KDR: variants seen among roughly 807,000 people sequenced by gnomAD.
KDR encodes kinase insert domain receptor.
A neutral mutation model predicts 160.9 loss-of-function variants in KDR; 43 were observed. The ratio of observed to expected loss-of-function variants is 0.27; its 90% CI spans 0.21 to 0.34. The LOEUF is 0.34. KDR is among the 10% of genes least tolerant of loss of function. The pLI is 1.00. For missense variants in KDR, 1,469 were observed against 1,666.4 expected (o/e 0.88, Z 2.06); for synonymous variants, 617 against 600.1 (o/e 1.03, Z -0.41).
chr4:55,097,847 A>G (rs1720201634), intron 17 of KDR, 81 bp from the exon 18 acceptor site: 2 of 1,006,496 alleles, frequency 2.0e-6, no homozygotes, highest in Admixed American at 3.5e-5. Context: ...CATCAACTAG[A>G]TAGGGTGACC....
At position 55,098,730 on chromosome 4, in the gene KDR, T is replaced by C. The variant is rs1439892725; in HGVS notation, c.2340A>G (p.Leu780=). The part of the protein sequence containing the change: ...GTAVIAMFFW[L]LLVIILRTVK... The stretch of plus-strand genomic sequence containing the variant: ...CGGTCCGTAGGATGATGACAAGAAG[T>C]AGCCAGAAGAACATGGCAATCACCG... The change falls in exon 16 of 30, where the codon CTA becomes CTG. Residue 780 remains leucine, a synonymous_variant. Coordinates refer to ENST00000263923, the MANE Select transcript of KDR (RefSeq NM_002253.4). The C allele has an allele frequency of 1.2e-6, 2 of 1,613,362 alleles. No homozygotes were observed. The highest frequency in any genetic ancestry group is 4.5e-5 in the East Asian group (2 of 44,844).
At chr4:55,106,521 G>A (rs981404341) in intron 11 of KDR, among the ~76,000 whole-genome samples, 166 bp downstream of exon 11, 1 of 152,122 alleles carries the variant, frequency 6.6e-6, no homozygotes, top group African/African-American at 2.4e-5. Flanking sequence ...CTATTAATAA[G>A]TTAATGGTAC....
At chr4:55,119,895 T>A (rs1275289089) in intron 2 of KDR, among the ~76,000 whole-genome samples, 1 of 152,184 alleles carries the variant, frequency 6.6e-6, no homozygotes, top group East Asian at 1.9e-4. Context: ...TTCAAAGAAC[T>A]TAAAATTTCC....
rs964546877 is a variant in KDR at position 55,079,379 on chromosome 4, G to C, written c.*562C>G. ...ACAGACCCCATGCCCACCTCCACCAGAGCAAACACAATGCATTTGCAGGCT... is the reference window on the plus strand; with the variant it reads ...ACAGACCCCATGCCCACCTCCACCACAGCAAACACAATGCATTTGCAGGCT... On this transcript the variant is annotated 3_prime_UTR_variant, in exon 30 of 30. Transcript: ENST00000263923. The C allele has an allele frequency of 8.1e-6, 2 of 247,878 alleles. No homozygotes were observed. The highest frequency in any genetic ancestry group is 2.2e-5 in the African/African-American group (1 of 45,612). 15.4% of individuals were successfully genotyped at this position (247,878 alleles called of 1,614,324 possible).
intron 2 of KDR, among the ~76,000 whole-genome samples, chr4:55,120,651 C>T (rs1170982097): frequency 6.6e-6 from 1 of 151,992 alleles, no homozygotes; most frequent in South Asian, 2.1e-4. Context: ...TCTTATAAAG[C>T]AAAGTTTTTG....
Position 55,078,581 on chromosome 4 carries a change from A to G in KDR, c.*1360T>C, listed in dbSNP as rs1438769241. 3 of 232,642 alleles carry G rather than the reference A, an allele frequency of 1.3e-5. No individual in the cohort carries two copies. The highest frequency in any genetic ancestry group is 2.5e-5 in the Non-Finnish European group (3 of 117,774). 14.4% of individuals were successfully genotyped at this position (232,642 alleles called of 1,614,324 possible). The stretch of plus-strand genomic sequence containing the variant: ...TACTGATACAAAATGTGAATAGTAC[A>G]AAGTTCATTATATATAAGGCTTTAA... On this transcript the variant is annotated 3_prime_UTR_variant, in exon 30 of 30. Coordinates refer to ENST00000263923, the MANE Select transcript of KDR (RefSeq NM_002253.4).
chr4:55,118,341 T>C (rs924016384), intron 3 of KDR, among the ~76,000 whole-genome samples: 12 of 152,184 alleles, frequency 7.9e-5, no homozygotes, highest in Non-Finnish European at 1.5e-5. Flanking sequence ...TAAGTCTCAA[T>C]GGCCAACAGT....
Position 55,087,591 on chromosome 4 carries a change from A to G in KDR, c.3662+16T>C. On this transcript the variant is annotated intron_variant, in intron 27 of 29. Coordinates refer to ENST00000263923, the MANE Select transcript of KDR (RefSeq NM_002253.4). ...AAGTCACCCTCCCCCGGGGGATGTTAGGCCATATACAGTACCTGATTCCTG... is the reference window on the plus strand; with the variant it reads ...AAGTCACCCTCCCCCGGGGGATGTTGGGCCATATACAGTACCTGATTCCTG... 1 of 1,613,088 alleles carries G rather than the reference A, an allele frequency of 6.2e-7. No homozygotes were observed. Among genetic ancestry groups the G allele is most frequent in the East Asian group, 2.2e-5 (1 of 44,846 alleles).
chr4:55,114,282 G>GA lies in KDR; in HGVS notation c.659-18dup, dbSNP rs754553167. 4.3e-6 allele frequency: 7 copies of GA among 1,612,036 alleles called. No individual in the cohort carries two copies. Among genetic ancestry groups the GA allele is most frequent in the East Asian group, 2.2e-5 (1 of 44,852 alleles). ...TCCTATACCCTAGAGCAAGTAAATT[G>GA]AAAAAACAGAACATGAGAGAGCAAA... On this transcript the variant is annotated splice_polypyrimidine_tract_variant and intron_variant, in intron 5 of 29. Coordinates refer to ENST00000263923, the MANE Select transcript of KDR (RefSeq NM_002253.4).
rs201169645 is a variant in KDR, at chr4:55,091,579, C to A, written c.3069+1038G>T. Among the ~76,000 whole-genome samples the A allele has an allele frequency of 5.9e-5, 9 of 152,306 alleles. No individual in the cohort carries two copies. In the East Asian group the frequency reaches 1.7e-3, roughly 29 times the overall value. On this transcript the variant is annotated intron_variant, in intron 22 of 29. Transcript: ENST00000263923. ...CTATAAGGTCCCAGTTCTCCTCCTT[C>A]CCCTTGGGAGAGAGAACATAAGAGC...
rs375909858 is a variant in KDR at position 55,102,004 on chromosome 4, C to T, written c.2159G>A (p.Arg720Gln). 1.2e-5 allele frequency: 20 copies of T among 1,613,270 alleles called. No homozygotes were observed. The highest frequency in any genetic ancestry group is 1.6e-4 in the Middle Eastern group (1 of 6,074). The change falls in exon 15 of 30, where the codon CGG becomes CAG. Residue 720 changes from arginine (R) to glutamine (Q), a missense_variant. Arg to Gln is a conservative substitution (Grantham distance 43). This residue lies in a region of KDR where 39 missense variants were observed against 72.1 expected (regional missense o/e 0.54). Transcript: ENST00000263923. ...DSGIVLKDGN[R>Q]NLTIRRVRKE... is the part of the protein sequence containing the mutation. ...CCTCACTCTGCGGATAGTGAGGTTCCGGTTCCCATCCTTCAATACAATGCC... is the reference window on the plus strand; with the variant it reads ...CCTCACTCTGCGGATAGTGAGGTTCTGGTTCCCATCCTTCAATACAATGCC...
At chr4:55,111,982 T>C (rs1291703269) in intron 7 of KDR, among the ~76,000 whole-genome samples, 2 of 152,264 alleles carry the variant, frequency 1.3e-5, no homozygotes, top group African/African-American at 4.8e-5. Flanking sequence ...TTTCACTGTA[T>C]TGATGCATTC....
At chr4:55,121,633 G>A (rs1305444399) in intron 1 of KDR, among the ~76,000 whole-genome samples, 2 of 152,126 alleles carry the variant, frequency 1.3e-5, no homozygotes, top group Non-Finnish European at 2.9e-5. Flanking sequence ...GTTCATCTAC[G>A]TACCCTGAAG....
chr4:55,105,232 C>G (rs145869188), intron 12 of KDR, among the ~76,000 whole-genome samples: 6 of 152,146 alleles, frequency 3.9e-5, no homozygotes. Context: ...ATGAGCTCTA[C>G]GCAATGTTTA....
intron 22 of KDR, 44 bp downstream of exon 22, chr4:55,092,573 C>A (rs2110013459): frequency 7.3e-7 from 1 of 1,376,148 alleles, no homozygotes; most frequent in African/African-American, 1.4e-5. Context: ...ATTTCCAAAC[C>A]TGTGATCTGA....
At chr4:55,122,193 T>G (rs1444696659) in intron 1 of KDR, among the ~76,000 whole-genome samples, 1 of 152,170 alleles carries the variant, frequency 6.6e-6, no homozygotes, top group East Asian at 1.9e-4. Flanking sequence ...TGGCATAGAT[T>G]CCTCACCATG....
At chr4:55,089,868 C>G (rs1034821648) in intron 23 of KDR, 66 bp from the exon 24 acceptor site, 4 of 1,601,706 alleles carry the variant, frequency 2.5e-6, no homozygotes, top group Non-Finnish European at 3.4e-6. Context: ...AAAACTTCCT[C>G]TGTTCCTGAA....
intron 15 of KDR, 129 bp from the exon 16 acceptor site, chr4:55,098,932 T>A (rs1223400472): frequency 3.1e-6 from 2 of 646,336 alleles, no homozygotes; most frequent in Admixed American, 4.7e-5. Context: ...AGGACAACAG[T>A]TACACACCCG....
At chr4:55,092,836 G>T in intron 21 of KDR, 122 bp from the exon 22 acceptor site, 1 of 716,818 alleles carries the variant, frequency 1.4e-6, no homozygotes, top group Non-Finnish European at 2.5e-6. Context: ...AATAGAAGCA[G>T]AGAGTCAATG....
Sources: allele counts gnomAD v4.1 joint callset (sites outside exome capture counted in the v4.1 genomes callset), GRCh38; gene constraint gnomAD v4.1.1; regional missense constraint gnomAD v4.1.1; transcripts MANE v1.5; gene names NCBI Gene and HGNC (gene_info 2026-07-23, HGNC 2026-07-21).